Variants in TNRC6B observed in about 807,000 individuals in gnomAD.
TNRC6B encodes the protein trinucleotide repeat-containing gene 6B protein.
Under a neutral mutation model 203.6 loss-of-function variants are expected in TNRC6B, and 52 were observed. That is an observed-to-expected ratio of 0.26 (90% CI 0.20 to 0.32). The LOEUF is 0.32. Among genes scored for constraint, TNRC6B ranks in the 10% least tolerant of loss-of-function variants. The pLI is 1.00. For missense variants in TNRC6B, 1,923 were observed against 2,286.2 expected (o/e 0.84, Z 3.24); for synonymous variants, 838 against 845.7 (o/e 0.99, Z 0.16).
chr22:40,151,865 G>A (rs544990125), intron 3 of TNRC6B, among the ~76,000 whole-genome samples: 102 of 78,066 alleles, frequency 1.3e-3, no homozygotes, highest in African/African-American at 0.011. Flanking sequence ...AGAAAAGAAA[G>A]AAGAAAGAAA....
At position 40,265,661 on chromosome 22, in the gene TNRC6B, C is replaced by T. The variant is rs373211790; in HGVS notation, c.1431C>T (p.Asn477=). The stretch of plus-strand genomic sequence containing the variant: ...AAAATGACTCTTGGGACAACAATAA[C>T]AGGTCTACGGGTGGGTCCTGGAACT... ...GSKNDSWDNN[N]RSTGGSWNFG... Residue 477 remains asparagine, a synonymous_variant, in exon 5 of 23, where the codon AAC becomes AAT. Transcript: ENST00000454349. The T allele has an allele frequency of 5.5e-5, 88 of 1,613,904 alleles. 1 individual carries two copies. The African/African-American group carries it at 1.1e-3, about 21-fold the overall frequency.
At chr22:40,085,299 A>G (rs750576181) in intron 1 of TNRC6B, among the ~76,000 whole-genome samples, 1 of 152,188 alleles carries the variant, frequency 6.6e-6, no homozygotes, top group African/African-American at 2.4e-5. Context: ...GCCTTATACA[A>G]TTGTCACATC....
intron 1 of TNRC6B, among the ~76,000 whole-genome samples, chr22:40,094,139 A>G (rs556300121): frequency 6.6e-6 from 1 of 152,336 alleles, no homozygotes; most frequent in Non-Finnish European, 1.5e-5. Flanking sequence ...TGACAGTAGT[A>G]CTTACTTCAT....
In TNRC6B at chr22:40,320,999, A is replaced by G; in HGVS notation, c.4975-91A>G. 2.0e-6 allele frequency: 3 copies of G among 1,486,790 alleles called. No homozygotes were observed. In the South Asian group the frequency reaches 3.6e-5, roughly 18 times the overall value. The allele number at this position is 1,486,790 out of a possible 1,614,324, so 92.1% of individuals were successfully genotyped here. A position where few individuals can be genotyped will look rare whatever the true frequency, so the allele number is the denominator to read the frequency against. Reference sequence around the variant, plus strand: ...TGGAAACTATTTGCAAAATGGGCACACTAGGTCTCAGCCAGTGCTTTGAAT... The same window carrying G: ...TGGAAACTATTTGCAAAATGGGCACGCTAGGTCTCAGCCAGTGCTTTGAAT... On this transcript the variant is annotated intron_variant, in intron 21 of 22. Coordinates refer to ENST00000454349, the MANE Select transcript of TNRC6B (RefSeq NM_001162501.2).
chr22:40,300,792 T>A, intron 13 of TNRC6B, 118 bp from the exon 14 acceptor site: 2 of 1,223,562 alleles, frequency 1.6e-6, no homozygotes, highest in Non-Finnish European at 2.3e-6. Context: ...TGGTGTTACT[T>A]CCCTCCTGGA....
rs1316187111 is a variant in TNRC6B, at chr22:40,323,757, T to C, written c.*516T>C. On this transcript the variant is annotated 3_prime_UTR_variant, in exon 23 of 23. Coordinates refer to ENST00000454349, the MANE Select transcript of TNRC6B (RefSeq NM_001162501.2). ...GGGGGAGGGAAGACTTGACGGAGCC[T>C]CACTTTAAAAACAAAAACACAAAAA... 6.7e-6 allele frequency: 1 copy of C among 149,630 alleles called. No individual in the cohort carries two copies. Among genetic ancestry groups the C allele is most frequent in the Non-Finnish European group, 1.5e-5 (1 of 67,552 alleles). 9.3% of individuals were successfully genotyped at this position (149,630 alleles called of 1,614,324 possible). A position where few individuals can be genotyped will look rare whatever the true frequency, so the allele number is the denominator to read the frequency against.
intron 3 of TNRC6B, among the ~76,000 whole-genome samples, chr22:40,153,926 T>A (rs1318380427): frequency 1.3e-5 from 2 of 151,148 alleles, no homozygotes; most frequent in East Asian, 3.8e-4. Context: ...AATAATTCCA[T>A]TTATGAAATT....
chr22:40,281,035 G>A, intron 10 of TNRC6B, 84 bp from the exon 11 acceptor site: 4 of 1,173,070 alleles, frequency 3.4e-6, no homozygotes, highest in Non-Finnish European at 4.7e-6. Context: ...TTTATTGCTA[G>A]TGTTTCTCTC....
At chr22:40,293,218 CAG>C (rs2070893272) in intron 12 of TNRC6B, among the ~76,000 whole-genome samples, 1 of 70,788 alleles carries the variant, frequency 1.4e-5, no homozygotes, top group South Asian at 4.4e-4. Flanking sequence ...TTTTTTGAGG[CAG>C]AGTCTCCCTC....
intron 1 of TNRC6B, among the ~76,000 whole-genome samples, chr22:40,075,459 TTATGTATTTGTA>T: frequency 6.6e-6 from 1 of 152,104 alleles, no homozygotes; most frequent in East Asian, 1.9e-4. Flanking sequence ...TCCAGCTTAT[TTATGTATTTGTA>T]TATCTTTTTG....
At chr22:40,287,429 G>A (rs942372353) in intron 12 of TNRC6B, among the ~76,000 whole-genome samples, 3 of 152,290 alleles carry the variant, frequency 2.0e-5, no homozygotes, top group Admixed American at 1.3e-4. Flanking sequence ...TAGTGGGGGA[G>A]GTCAGGTTTC....
At chr22:40,305,036 G>A (rs1195786889) in intron 15 of TNRC6B, among the ~76,000 whole-genome samples, 1 of 152,154 alleles carries the variant, frequency 6.6e-6, no homozygotes, top group East Asian at 1.9e-4. Flanking sequence ...GAGAGTGAAG[G>A]CAGGATCAGT....
At chr22:40,201,993 T>G (rs1435823150) in intron 1 of TNRC6B, among the ~76,000 whole-genome samples, 1 of 152,146 alleles carries the variant, frequency 6.6e-6, no homozygotes, top group Non-Finnish European at 1.5e-5. Context: ...TTAGAATAGT[T>G]AGGCGAGCTT....
At chr22:40,089,354 T>C (rs1380535484) in intron 1 of TNRC6B, among the ~76,000 whole-genome samples, 1 of 152,012 alleles carries the variant, frequency 6.6e-6, no homozygotes, top group Non-Finnish European at 1.5e-5. Flanking sequence ...TGCCTCAGCC[T>C]CCCCGGTAGC....
rs1358142335 is a variant in TNRC6B at position 40,300,894 on chromosome 22, C to T, written c.3841-16C>T. On this transcript the variant is annotated splice_polypyrimidine_tract_variant and intron_variant, in intron 13 of 22. Transcript: ENST00000454349. ...CAGGAAACTTTGGTTTTCTGTCTTTCCCCCTTGTTTTGTAGGCATGTCAGC... is the reference window on the plus strand; with the variant it reads ...CAGGAAACTTTGGTTTTCTGTCTTTTCCCCTTGTTTTGTAGGCATGTCAGC... The T allele has an allele frequency of 6.2e-7, 1 of 1,611,304 alleles. No individual in the cohort carries two copies. The highest frequency in any genetic ancestry group is 1.1e-5 in the South Asian group (1 of 90,336).
At chr22:40,204,077 A>G (rs2069447764) in intron 1 of TNRC6B, among the ~76,000 whole-genome samples, 1 of 152,240 alleles carries the variant, frequency 6.6e-6, no homozygotes, top group African/African-American at 2.4e-5. Flanking sequence ...AAGGAGAAAC[A>G]TTTTATAATG....
chr22:40,251,718 CAA>C (rs779335957), intron 3 of TNRC6B, among the ~76,000 whole-genome samples: 5 of 112,268 alleles, frequency 4.5e-5, no homozygotes, highest in Non-Finnish European at 5.7e-5. Context: ...GACTCCGTCT[CAA>C]AAAAAAAAAA....
intron 16 of TNRC6B, among the ~76,000 whole-genome samples, chr22:40,309,968 G>T (rs980869164): frequency 9.2e-5 from 14 of 152,172 alleles, no homozygotes; most frequent in Non-Finnish European, 1.8e-4. Context: ...CCTAAGAATA[G>T]ATCAAGTGAC....
intron 19 of TNRC6B, among the ~76,000 whole-genome samples, chr22:40,314,822 A>C (rs2071235074): frequency 1.3e-5 from 2 of 152,230 alleles, no homozygotes; most frequent in South Asian, 4.1e-4. Context: ...AATCTATGTG[A>C]ACATCAATAT....
Sources: gnomAD v4.1 joint callset for allele counts (sites outside exome capture counted in the v4.1 genomes callset) on GRCh38, gnomAD v4.1.1 for gene constraint, MANE v1.5 for transcripts, NCBI Gene and HGNC (gene_info 2026-07-23, HGNC 2026-07-21) for gene names.